Variants in AUTS2 observed in about 807,000 individuals in gnomAD.
AUTS2 encodes autism susceptibility gene 2 protein.
Under a neutral mutation model 112.4 loss-of-function variants are expected in AUTS2, and 17 were observed. The observed-to-expected ratio is 0.15, with a 90% CI of 0.10 to 0.23. The LOEUF is 0.23. Among genes scored for constraint, AUTS2 ranks in the 10% least tolerant of loss-of-function variants. The probability of loss-of-function intolerance (pLI) is 1.00; values close to 1 mark genes in which losing one functional copy is unlikely to be tolerated. For synonymous variants in AUTS2, 751 were observed against 702.7 expected (o/e 1.07, Z -1.09); for missense variants, 1,510 against 1,701.6 (o/e 0.89, Z 1.98).
At chr7:70,384,764 G>T (rs149158997) in intron 4 of AUTS2, among the ~76,000 whole-genome samples, 1 of 152,196 alleles carries the variant, frequency 6.6e-6, no homozygotes, top group African/African-American at 2.4e-5. Context: ...TTTGTTTGGC[G>T]TTGGGTAGTG....
chr7:70,462,162 G>C (rs1263696059), intron 5 of AUTS2, among the ~76,000 whole-genome samples: 1 of 152,092 alleles, frequency 6.6e-6, no homozygotes, highest in Non-Finnish European at 1.5e-5. Flanking sequence ...TGAGGCGGGA[G>C]AATCACTTGA....
intron 4 of AUTS2, among the ~76,000 whole-genome samples, chr7:70,262,144 T>C (rs1787198971): frequency 1.3e-5 from 2 of 152,214 alleles, no homozygotes; most frequent in South Asian, 4.1e-4. Flanking sequence ...TTGTCTTTAA[T>C]AATTACATTT....
Position 70,705,800 on chromosome 7 carries a change from T to A in AUTS2, c.742+7180T>A, listed in dbSNP as rs139371926. On this transcript the variant is annotated intron_variant, in intron 6 of 18. Transcript: ENST00000342771. ...ATAGGAGCTGGGCCTCTGGGTCTCC[T>A]CCTACAAATGACTTCTCATCAACCC... Among the ~76,000 whole-genome samples, 3 of 152,258 alleles carry A rather than the reference T, an allele frequency of 2.0e-5. No individual in the cohort carries two copies. The East Asian group carries it at 5.8e-4, about 29-fold the overall frequency.
intron 5 of AUTS2, among the ~76,000 whole-genome samples, chr7:70,440,383 C>T (rs942611525): frequency 6.6e-6 from 1 of 152,090 alleles, no homozygotes; most frequent in Non-Finnish European, 1.5e-5. Flanking sequence ...CACTGCACTC[C>T]AGCCTGAGTG....
intron 17 of AUTS2, chr7:70,786,942 C>A: frequency 1.8e-6 from 1 of 541,690 alleles, no homozygotes; most frequent in Non-Finnish European, 3.3e-6. Flanking sequence ...TCTCAGTACC[C>A]ATTTGGTCCC....
chr7:70,177,923 T>G (rs908584773), intron 4 of AUTS2, among the ~76,000 whole-genome samples: 36 of 151,532 alleles, frequency 2.4e-4, no homozygotes, highest in Admixed American at 1.5e-3. Flanking sequence ...ATTCTGTTTT[T>G]TTTTTTTTTT....
intron 7 of AUTS2, 100 bp from the exon 8 acceptor site, chr7:70,764,652 G>A: frequency 1.5e-6 from 1 of 661,328 alleles, no homozygotes; most frequent in Non-Finnish European, 2.8e-6. Context: ...AAGAGAGACT[G>A]TGGTGAGGGT....
At chr7:70,353,461 C>T (rs559205481) in intron 4 of AUTS2, among the ~76,000 whole-genome samples, 1 of 152,100 alleles carries the variant, frequency 6.6e-6, no homozygotes, top group South Asian at 2.1e-4. Flanking sequence ...ACACAGGAGA[C>T]CTTTCTAGTC....
At chr7:70,425,422 A>G (rs766517163) in intron 4 of AUTS2, among the ~76,000 whole-genome samples, 2 of 152,186 alleles carry the variant, frequency 1.3e-5, no homozygotes, top group Non-Finnish European at 2.9e-5. Context: ...CTTCCCCAGG[A>G]TACACAGGGC....
intron 4 of AUTS2, among the ~76,000 whole-genome samples, chr7:70,243,981 C>T (rs1812768248): frequency 6.6e-6 from 1 of 151,550 alleles, no homozygotes; most frequent in African/African-American, 2.4e-5. Context: ...AATACTATTA[C>T]AGTAATAGTA....
chr7:69,600,084 GTCTA>G lies in AUTS2; in HGVS notation c.309+123_309+126del, dbSNP rs935695808. Reference sequence around the variant, plus strand: ...TGTCTGTCTGTCTGTCTGTCTGTCTGTCTAGGCTGAGGTCTTATTGTTGGTGGGG... The same window carrying G: ...TGTCTGTCTGTCTGTCTGTCTGTCTGGGCTGAGGTCTTATTGTTGGTGGGG... On this transcript the variant is annotated intron_variant, in intron 1 of 18. Transcript: ENST00000342771. 37 of 1,119,446 alleles carry G rather than the reference GTCTA, an allele frequency of 3.3e-5. No individual in the cohort carries two copies. The Admixed American group carries it at 7.6e-4, about 23-fold the overall frequency. 69.3% of individuals were successfully genotyped at this position (1,119,446 alleles called of 1,614,324 possible). A position where few individuals can be genotyped will look rare whatever the true frequency, so the allele number is the denominator to read the frequency against.
rs533113739 is a variant in AUTS2 at position 70,510,623 on chromosome 7, A to G, written c.690+74842A>G. 7.2e-5 allele frequency among the ~76,000 whole-genome samples: 11 copies of G among 152,294 alleles called. No individual in the cohort carries two copies. In the South Asian group the frequency reaches 2.3e-3, roughly 32 times the overall value. On this transcript the variant is annotated intron_variant, in intron 5 of 18. Coordinates refer to ENST00000342771, the MANE Select transcript of AUTS2 (RefSeq NM_015570.4). The stretch of plus-strand genomic sequence containing the variant: ...GGTGGGGTTTGCCAGAGGCTACATG[A>G]CATGTGATTTAAAATATTGAATGCA...
At chr7:69,629,001 A>G (rs1442918422) in intron 1 of AUTS2, among the ~76,000 whole-genome samples, 7 of 152,230 alleles carry the variant, frequency 4.6e-5, no homozygotes, top group Non-Finnish European at 7.3e-5. Context: ...TGTGTTTTAC[A>G]ATAACCCTTT....
intron 4 of AUTS2, among the ~76,000 whole-genome samples, chr7:70,324,374 GA>G (rs898259922): frequency 2.6e-5 from 4 of 151,888 alleles, no homozygotes; most frequent in African/African-American, 9.7e-5. Context: ...TGTATTCATT[GA>G]AAAAAAATTG....
intron 5 of AUTS2, among the ~76,000 whole-genome samples, chr7:70,496,619 G>C (rs6966801): frequency 2.5e-5 from 2 of 81,490 alleles, no homozygotes; most frequent in African/African-American, 9.7e-5. Flanking sequence ...CTCACACCAC[G>C]TACACAGGCA....
chr7:70,132,449 A>T (rs1048104193), intron 3 of AUTS2, among the ~76,000 whole-genome samples: 11 of 152,212 alleles, frequency 7.2e-5, no homozygotes, highest in Non-Finnish European at 1.5e-4. Flanking sequence ...GTCAGTTGGA[A>T]GGCAAGCCAA....
intron 2 of AUTS2, among the ~76,000 whole-genome samples, chr7:70,004,290 G>A (rs1799417715): frequency 7.7e-6 from 1 of 129,866 alleles, no homozygotes; most frequent in Non-Finnish European, 1.6e-5. Context: ...TGTTATATAT[G>A]AATATATTAT....
chr7:70,670,706 G>A (rs1397883366), intron 5 of AUTS2, among the ~76,000 whole-genome samples: 1 of 152,166 alleles, frequency 6.6e-6, no homozygotes, highest in Non-Finnish European at 1.5e-5. Flanking sequence ...GAGTCTCAAG[G>A]GCAGCTACAC....
chr7:70,784,779 A>G, intron 15 of AUTS2, 163 bp from the exon 16 acceptor site: 3 of 330,710 alleles, frequency 9.1e-6, no homozygotes, highest in Non-Finnish European at 1.5e-5. Context: ...AAAAACACAC[A>G]TTTTCTTTTA....
Sources: gnomAD v4.1 joint callset for allele counts (sites outside exome capture counted in the v4.1 genomes callset) on GRCh38, gnomAD v4.1.1 for gene constraint, MANE v1.5 for transcripts, NCBI Gene and HGNC (gene_info 2026-07-23, HGNC 2026-07-21) for gene names.